KCNMA1: variants seen among roughly 807,000 people sequenced by gnomAD.
The protein encoded by KCNMA1 is Calcium-activated potassium channel subunit alpha-1.
Under a neutral mutation model 140.0 loss-of-function variants are expected in KCNMA1, and 29 were observed. That is an observed-to-expected ratio of 0.21 (90% confidence interval 0.15 to 0.28). KCNMA1 has a LOEUF of 0.28. KCNMA1 is among the 10% of genes least tolerant of loss of function. KCNMA1 has a pLI of 1.00. For synonymous variants in KCNMA1, 612 were observed against 611.9 expected (o/e 1.00, Z 0.00); for missense variants, 880 against 1,602.2 (o/e 0.55, Z 7.70).
chr10:77,567,087 G>A (rs1040641334), intron 1 of KCNMA1, among the ~76,000 whole-genome samples: 3 of 152,126 alleles, frequency 2.0e-5, no homozygotes, highest in African/African-American at 4.8e-5. Context: ...GGCAGATACC[G>A]TCCTCTAGAA....
chr10:77,177,427 CTTCCTTCT>C (rs1000188290), intron 5 of KCNMA1, among the ~76,000 whole-genome samples: 2 of 144,014 alleles, frequency 1.4e-5, no homozygotes, highest in African/African-American at 5.2e-5. Context: ...TCTTTCCTTC[CTTCCTTCT>C]TTCCTTTTCT....
chr10:77,529,303 T>C (rs1023992093), intron 1 of KCNMA1, among the ~76,000 whole-genome samples: 1 of 151,528 alleles, frequency 6.6e-6, no homozygotes, highest in Non-Finnish European at 1.5e-5. Flanking sequence ...TGCTATTCCC[T>C]CTGCCAGGAG....
At chr10:77,287,901 C>T (rs1432573760) in intron 2 of KCNMA1, among the ~76,000 whole-genome samples, 2 of 152,182 alleles carry the variant, frequency 1.3e-5, no homozygotes, top group African/African-American at 4.8e-5. Context: ...ATCACTAAGC[C>T]AGGTTGTTAG....
intron 1 of KCNMA1, among the ~76,000 whole-genome samples, chr10:77,479,432 T>C (rs912520163): frequency 6.6e-6 from 1 of 152,124 alleles, no homozygotes; most frequent in African/African-American, 2.4e-5. Context: ...CCTTACCTTA[T>C]CCAAAAGATG....
chr10:76,991,815 C>T (rs2082856167), intron 19 of KCNMA1, among the ~76,000 whole-genome samples: 1 of 152,156 alleles, frequency 6.6e-6, no homozygotes, highest in Non-Finnish European at 1.5e-5. Flanking sequence ...AGGCTCCAGC[C>T]CAGAAAGCTG....
chr10:76,889,608 T>C, intron 26 of KCNMA1, 39 bp from the exon 27 acceptor site: 3 of 1,476,882 alleles, frequency 2.0e-6, no homozygotes, highest in South Asian at 1.1e-5. Context: ...ACATCCTTTT[T>C]ATTTGCCTGA....
chr10:76,928,961 G>GCAGA (rs772201093), intron 23 of KCNMA1, among the ~76,000 whole-genome samples: 16 of 152,088 alleles, frequency 1.1e-4, no homozygotes, highest in Non-Finnish European at 2.4e-4. Flanking sequence ...ATTTATCTCT[G>GCAGA]GGACATGAGG....
rs1484261046 is a variant in KCNMA1, at chr10:77,108,387, T to A, written c.1223+94A>T. The A allele has an allele frequency of 1.3e-6, 2 of 1,584,198 alleles. No homozygotes were observed. The highest frequency in any genetic ancestry group is 3.0e-5 in the African/African-American group (2 of 66,276). ...AGCGGGCAAACATTGCCTACATGCA[T>A]GAAACAAAGAAACAAGAGCCAAAAA... On this transcript the variant is annotated intron_variant, in intron 9 of 27. Transcript: ENST00000286628. This position sits in a 1 kb window ranked among gnomAD's most constrained non-coding sequence, Gnocchi z 4.6.
chr10:77,249,245 C>A (rs146569861), intron 3 of KCNMA1, among the ~76,000 whole-genome samples: 32 of 152,248 alleles, frequency 2.1e-4, no homozygotes, highest in African/African-American at 7.7e-4. Context: ...GTGCCATCTT[C>A]GCCAAGGCCT....
intron 2 of KCNMA1, among the ~76,000 whole-genome samples, chr10:77,392,140 AAGGGAGGG>A (rs1190958041): frequency 2.3e-5 from 3 of 130,872 alleles, no homozygotes; most frequent in African/African-American, 8.5e-5. Context: ...GCGAGGAAGG[AAGGGAGGG>A]AGGGAGGAAG....
intron 14 of KCNMA1, among the ~76,000 whole-genome samples, chr10:77,064,955 A>G (rs967707538): frequency 2.6e-5 from 4 of 152,208 alleles, no homozygotes; most frequent in Non-Finnish European, 1.5e-5. Flanking sequence ...ACATTGAATC[A>G]AAGCTCTTTA....
At chr10:77,231,297 A>G (rs1174143051) in intron 3 of KCNMA1, among the ~76,000 whole-genome samples, 1 of 152,152 alleles carries the variant, frequency 6.6e-6, no homozygotes. Flanking sequence ...TATCAGCATG[A>G]GAAGTCACAA....
rs76907341 is a variant in KCNMA1 at position 76,974,631 on chromosome 10, A to G, written c.2267-4564T>C. The stretch of plus-strand genomic sequence containing the variant: ...ATTAATCCATAGTGAAATTTCTTTT[A>G]GAAAAGTTCCAAACAATTTTAACAT... On this transcript the variant is annotated intron_variant, in intron 19 of 27. Coordinates refer to ENST00000286628, the MANE Select transcript of KCNMA1 (RefSeq NM_001161352.2). 1,992 of 1,226,402 alleles carry G rather than the reference A, an allele frequency of 1.6e-3. 30 individuals carry two copies. In the Middle Eastern group the frequency reaches 0.045, roughly 28 times the overall value. The allele number at this position is 1,226,402 out of a possible 1,614,324, so 76.0% of individuals were successfully genotyped here.
chr10:77,194,119 G>T (rs966463951), intron 3 of KCNMA1, among the ~76,000 whole-genome samples: 2 of 152,124 alleles, frequency 1.3e-5, no homozygotes, highest in African/African-American at 4.8e-5. Context: ...AGTAGCTCAG[G>T]GTACAGTTTC....
intron 1 of KCNMA1, among the ~76,000 whole-genome samples, chr10:77,434,854 G>A (rs561811470): frequency 6.6e-6 from 1 of 152,276 alleles, no homozygotes; most frequent in East Asian, 1.9e-4. Flanking sequence ...TCTTAAATGT[G>A]TTATTCACAT....
intron 23 of KCNMA1, among the ~76,000 whole-genome samples, chr10:76,934,931 G>A (rs2060169009): frequency 6.6e-6 from 1 of 152,148 alleles, no homozygotes; most frequent in African/African-American, 2.4e-5. Flanking sequence ...TGTTATTTAA[G>A]TGTCTTCACA....
chr10:77,260,160 C>T (rs1273805928), intron 2 of KCNMA1, among the ~76,000 whole-genome samples: 1 of 151,980 alleles, frequency 6.6e-6, no homozygotes, highest in Non-Finnish European at 1.5e-5. Flanking sequence ...TGGTAGAGGT[C>T]GAGGGTCTGA....
At chr10:77,288,005 G>A (rs1015297663) in intron 2 of KCNMA1, among the ~76,000 whole-genome samples, 2 of 152,196 alleles carry the variant, frequency 1.3e-5, no homozygotes, top group South Asian at 4.1e-4. Flanking sequence ...AATAAACTCC[G>A]TTATCACTCC....
At chr10:77,023,055 G>A (rs2093036784) in intron 16 of KCNMA1, 1 of 389,706 alleles carries the variant, frequency 2.6e-6, no homozygotes, top group South Asian at 1.9e-5. Flanking sequence ...GTCCCGCAGG[G>A]AAATGCCTCT....
Sources: gnomAD v4.1 joint callset for allele counts (sites outside exome capture counted in the v4.1 genomes callset) on GRCh38, gnomAD v4.1.1 for gene constraint, Gnocchi (gnomAD v3.1) non-coding constraint, MANE v1.5 for transcripts, NCBI Gene and HGNC (gene_info 2026-07-23, HGNC 2026-07-21) for gene names.